BRIP1: variants seen among roughly 807,000 people sequenced by gnomAD.
BRIP1 encodes BRCA1 interacting DNA helicase 1.
In BRIP1, 88 loss-of-function variants were observed where a neutral mutation model predicts 119.7. That is an observed-to-expected ratio of 0.74 (90% CI 0.62 to 0.88). The LOEUF (loss-of-function observed/expected upper bound fraction) is 0.88. BRIP1 is among the 40% of genes least tolerant of loss of function. BRIP1 has a pLI of 0.00. For missense variants in BRIP1, 1,259 were observed against 1,455.4 expected (o/e 0.87, Z 2.20); for synonymous variants, 443 against 496.5 (o/e 0.89, Z 1.43).
rs7212399 is a variant in BRIP1, at chr17:61,831,997, T to C, written c.627+15104A>G. Among the ~76,000 whole-genome samples, 5,388 of 152,256 alleles carry C rather than the reference T, an allele frequency of 0.035. 287 individuals are homozygous for C. The highest frequency in any genetic ancestry group is 0.12 in the African/African-American group (5,050 of 41,518). On this transcript the variant is annotated intron_variant, in intron 6 of 19. Coordinates refer to ENST00000259008, the MANE Select transcript of BRIP1 (RefSeq NM_032043.3). The surrounding 1 kb of genome is among the most constrained non-coding windows in gnomAD (Gnocchi z 4.1). The stretch of plus-strand genomic sequence containing the variant: ...GTTTGTGTACACAATACATTGTGTA[T>C]ATTCTCTAGCTGTCTGCTGAAAGGG...
intron 3 of BRIP1, among the ~76,000 whole-genome samples, chr17:61,858,077 CAATAAAATAGGT>C (rs1444850629): frequency 1.3e-5 from 2 of 151,988 alleles, no homozygotes; most frequent in Non-Finnish European, 2.9e-5. Flanking sequence ...ATATTCAAAT[CAATAAAATAGGT>C]AATTTTAGTG....
chr17:61,737,353 G>C (rs1180843518), intron 16 of BRIP1, among the ~76,000 whole-genome samples: 2 of 152,022 alleles, frequency 1.3e-5, no homozygotes, highest in Admixed American at 6.6e-5. Context: ...TAAGGAAATT[G>C]GACCTCACCA....
At position 61,861,307 on chromosome 17, in the gene BRIP1, G is replaced by A; in HGVS notation, c.93+140C>T. 1.4e-6 allele frequency: 1 copy of A among 693,296 alleles called. No homozygotes were observed. 42.9% of individuals were successfully genotyped at this position (693,296 alleles called of 1,614,324 possible). A position where few individuals can be genotyped will look rare whatever the true frequency, so the allele number is the denominator to read the frequency against. The stretch of plus-strand genomic sequence containing the variant: ...TTTAGCTGCAATCAGTAGTTTCCCA[G>A]AGGTTAGATATTCTTCCAAGTGAAC... On this transcript the variant is annotated intron_variant, in intron 2 of 19. Coordinates refer to ENST00000259008, the MANE Select transcript of BRIP1 (RefSeq NM_032043.3). This position sits in a 1 kb window ranked among gnomAD's most constrained non-coding sequence, Gnocchi z 4.5.
At chr17:61,788,175 AAC>A (rs1567821169) in intron 10 of BRIP1, among the ~76,000 whole-genome samples, 2 of 152,200 alleles carry the variant, frequency 1.3e-5, no homozygotes, top group Admixed American at 6.5e-5. Context: ...ATAAAAATCA[AAC>A]ACCAGTTTTA....
At chr17:61,719,691 C>CTCCA (rs1476764509) in intron 16 of BRIP1, among the ~76,000 whole-genome samples, 1 of 150,390 alleles carries the variant, frequency 6.6e-6, no homozygotes, top group Non-Finnish European at 1.5e-5. Flanking sequence ...CACCACTGCA[C>CTCCA]TCCAGCCTGG....
rs146266227 is a variant in BRIP1, at chr17:61,692,328, A to C, written c.2575+1102T>G. ...AAGGAAGACCATGTTAAACTAAAAAACTTCTGTGCAGCAAAGTAAATAATC... is the reference window on the plus strand; with the variant it reads ...AAGGAAGACCATGTTAAACTAAAAACCTTCTGTGCAGCAAAGTAAATAATC... On this transcript the variant is annotated intron_variant, in intron 18 of 19. Transcript: ENST00000259008. Among the ~76,000 whole-genome samples the C allele has an allele frequency of 6.3e-3, 961 of 152,330 alleles. 8 individuals are homozygous for C. Among genetic ancestry groups the C allele is most frequent in the African/African-American group, 0.022 (917 of 41,570 alleles).
chr17:61,782,310 C>A lies in BRIP1; in HGVS notation c.1629-1305G>T, dbSNP rs188513341. 6.0e-3 allele frequency among the ~76,000 whole-genome samples: 860 copies of A among 143,814 alleles called. 4 individuals are homozygous for A. Among genetic ancestry groups the A allele is most frequent in the African/African-American group, 0.021 (822 of 38,964 alleles). The allele number at this position is 143,814 out of a possible 152,430, so 94.3% of individuals were successfully genotyped here. A position where few individuals can be genotyped will look rare whatever the true frequency, so the allele number is the denominator to read the frequency against. Reference sequence around the variant, plus strand: ...CTGAGGCAGGAGAATGGCATGAACCCGGGAGGCTGAGCTTGCAGTGAGCCG... The same window carrying A: ...CTGAGGCAGGAGAATGGCATGAACCAGGGAGGCTGAGCTTGCAGTGAGCCG... On this transcript the variant is annotated intron_variant, in intron 11 of 19. Coordinates refer to ENST00000259008, the MANE Select transcript of BRIP1 (RefSeq NM_032043.3).
Position 61,706,105 on chromosome 17 carries a change from C to T in BRIP1, c.2492+9846G>A, listed in dbSNP as rs2061686603. 6.6e-6 allele frequency among the ~76,000 whole-genome samples: 1 copy of T among 152,156 alleles called. No individual in the cohort carries two copies. Among genetic ancestry groups the T allele is most frequent in the South Asian group, 2.1e-4 (1 of 4,828 alleles). ...TTGAAACCCTGTTTTGGGGTGCATA[C>T]ACATTTATGATTCTTATGTCTTCTT... On this transcript the variant is annotated intron_variant, in intron 17 of 19. Transcript: ENST00000259008. This position sits in a 1 kb window ranked among gnomAD's most constrained non-coding sequence, Gnocchi z 5.7.
Position 61,717,303 on chromosome 17 carries a change from T to C in BRIP1, c.2380-1240A>G, listed in dbSNP as rs1407968400. 1.3e-5 allele frequency among the ~76,000 whole-genome samples: 2 copies of C among 152,146 alleles called. No homozygotes were observed. The highest frequency in any genetic ancestry group is 2.9e-5 in the Non-Finnish European group (2 of 67,974). ...AGATTATCTTTTAAAATATACCGTA[T>C]TTACCCACAGATTTACCATTTCTGG... On this transcript the variant is annotated intron_variant, in intron 16 of 19. Transcript: ENST00000259008. The surrounding 1 kb of genome is among the most constrained non-coding windows in gnomAD (Gnocchi z 4.1).
At position 61,680,436 on chromosome 17, in the gene BRIP1, A is replaced by G. The variant is rs2061255631; in HGVS notation, c.*2860T>C. On this transcript the variant is annotated 3_prime_UTR_variant, in exon 20 of 20. Transcript: ENST00000259008. ...GTAATAACACTAAGATATGAATAAT[A>G]TGCTTAATTTTCTCATGTAGTTTAC... Among the ~76,000 whole-genome samples the G allele has an allele frequency of 6.7e-6, 1 of 149,982 alleles. No individual in the cohort carries two copies. The highest frequency in any genetic ancestry group is 6.6e-5 in the Admixed American group (1 of 15,072).
At chr17:61,765,307 C>T (rs1301830934) in intron 14 of BRIP1, among the ~76,000 whole-genome samples, 1 of 134,256 alleles carries the variant, frequency 7.4e-6, no homozygotes, top group Non-Finnish European at 1.6e-5. Context: ...AATTATAATA[C>T]ATATACATAC....
chr17:61,692,718 A>T (rs1197978164), intron 18 of BRIP1, among the ~76,000 whole-genome samples: 7 of 152,202 alleles, frequency 4.6e-5, no homozygotes, highest in African/African-American at 1.7e-4. Flanking sequence ...AGAAGAAAAA[A>T]GGAAATAAGC....
chr17:61,768,629 C>A lies in BRIP1; in HGVS notation c.2097+7772G>T, dbSNP rs949145876. Among the ~76,000 whole-genome samples, 1 of 152,086 alleles carries A rather than the reference C, an allele frequency of 6.6e-6. No homozygotes were observed. The highest frequency in any genetic ancestry group is 1.5e-5 in the Non-Finnish European group (1 of 68,020). On this transcript the variant is annotated intron_variant, in intron 14 of 19. Transcript: ENST00000259008. The surrounding 1 kb of genome is among the most constrained non-coding windows in gnomAD (Gnocchi z 5.0). ...TCTTTATTCTAATGGTTCTTCCTAA[C>A]CTTTTTCTTACCCTGATAAATTAAC...
At position 61,756,506 on chromosome 17, in the gene BRIP1, A is replaced by G. The variant is rs2077202761; in HGVS notation, c.2098-11915T>C. On this transcript the variant is annotated intron_variant, in intron 14 of 19. Transcript: ENST00000259008. The surrounding 1 kb of genome is among the most constrained non-coding windows in gnomAD (Gnocchi z 4.3). ...TAATTTACTAATTGGTGTTCACATC[A>G]CTTCAATTTGTTAACCTCAGAGGCA... Among the ~76,000 whole-genome samples the G allele has an allele frequency of 6.6e-6, 1 of 152,206 alleles. No individual in the cohort carries two copies.
rs72842992 is a variant in BRIP1 at position 61,784,721 on chromosome 17, G to A, written c.1474-297C>T. ...GCTCTGTTAGTTCCCACGAGAGCTG[G>A]TTGTTAGAAAGAGCCTGACACCTCC... On this transcript the variant is annotated intron_variant, in intron 10 of 19. Coordinates refer to ENST00000259008, the MANE Select transcript of BRIP1 (RefSeq NM_032043.3). Among the ~76,000 whole-genome samples, 17,496 of 152,094 alleles carry A rather than the reference G, an allele frequency of 0.12. 1,427 individuals carry two copies. Among genetic ancestry groups the A allele is most frequent in the Non-Finnish European group, 0.18 (12,074 of 67,972 alleles).
In BRIP1 at chr17:61,729,490, G is replaced by A. The variant is rs999218631; in HGVS notation, c.2380-13427C>T. Among the ~76,000 whole-genome samples the A allele has an allele frequency of 1.3e-5, 2 of 152,068 alleles. No homozygotes were observed. Among genetic ancestry groups the A allele is most frequent in the East Asian group, 1.9e-4 (1 of 5,186 alleles). ...CTCAAATAGGAATTTAATAGTTCATGTCTAAAACTGATTAAATAAAGATAA... is the reference window on the plus strand; with the variant it reads ...CTCAAATAGGAATTTAATAGTTCATATCTAAAACTGATTAAATAAAGATAA... On this transcript the variant is annotated intron_variant, in intron 16 of 19. Transcript: ENST00000259008. This position sits in a 1 kb window ranked among gnomAD's most constrained non-coding sequence, Gnocchi z 5.6.
At chr17:61,781,649 G>A (rs747193238) in intron 11 of BRIP1, among the ~76,000 whole-genome samples, 1 of 152,086 alleles carries the variant, frequency 6.6e-6, no homozygotes, top group Non-Finnish European at 1.5e-5. Context: ...GTGGCCAGGC[G>A]CGGTGGTTCA....
intron 17 of BRIP1, among the ~76,000 whole-genome samples, chr17:61,694,724 G>T (rs2061497664): frequency 1.3e-5 from 2 of 151,838 alleles, no homozygotes; most frequent in Non-Finnish European, 2.9e-5. Context: ...ACCCTAGAAA[G>T]TGTGAAATAA....
At chr17:61,732,012 G>A (rs2076854459) in intron 16 of BRIP1, among the ~76,000 whole-genome samples, 1 of 109,636 alleles carries the variant, frequency 9.1e-6, no homozygotes, top group African/African-American at 3.6e-5. Context: ...TTGAGACAGA[G>A]TCTCTGTCAC....
Sources: allele counts gnomAD v4.1 joint callset (sites outside exome capture counted in the v4.1 genomes callset), GRCh38; gene constraint gnomAD v4.1.1; non-coding constraint Gnocchi (gnomAD v3.1); transcripts MANE v1.5; gene names NCBI Gene and HGNC (gene_info 2026-07-23, HGNC 2026-07-21).